CACNA1C: variants seen among roughly 807,000 people sequenced by gnomAD.
CACNA1C encodes the protein calcium voltage-gated channel subunit alpha1 C, also known as voltage-dependent L-type calcium channel subunit alpha-1C.
A neutral mutation model predicts 229.0 loss-of-function variants in CACNA1C; 30 were observed. That is an observed-to-expected ratio of 0.13 (90% CI 0.10 to 0.18). CACNA1C has a LOEUF of 0.18. Among genes scored for constraint, CACNA1C ranks in the 10% least tolerant of loss-of-function variants. The probability of loss-of-function intolerance (pLI) is 1.00; values close to 1 mark genes in which losing one functional copy is unlikely to be tolerated. For synonymous variants in CACNA1C, 1,114 were observed against 1,132.5 expected (o/e 0.98, Z 0.33); for missense variants, 1,658 against 2,845.0 (o/e 0.58, Z 9.49).
At chr12:2,361,151 CAGA>C (rs1391710791) in intron 3 of CACNA1C, among the ~76,000 whole-genome samples, 1 of 151,402 alleles carries the variant, frequency 6.6e-6, no homozygotes, top group East Asian at 1.9e-4. Flanking sequence ...TGCTGAATTC[CAGA>C]TTGCGGTGGT....
Position 2,559,400 on chromosome 12 carries a change from G to A in CACNA1C, c.1508+2423G>A, listed in dbSNP as rs557872845. Among the ~76,000 whole-genome samples, 4 of 152,338 alleles carry A rather than the reference G, an allele frequency of 2.6e-5. No individual in the cohort carries two copies. In the South Asian group the frequency reaches 6.2e-4, roughly 24 times the overall value. ...TTATTTTCATCCAGTGATCTATGGT[G>A]CAAACTGTGCTTTTCAACAAGAGGG... On this transcript the variant is annotated intron_variant, in intron 11 of 46. Coordinates refer to ENST00000399655, the MANE Select transcript of CACNA1C (RefSeq NM_000719.7).
At chr12:2,095,281 T>C (rs956416116) in intron 1 of CACNA1C, among the ~76,000 whole-genome samples, 9 of 152,174 alleles carry the variant, frequency 5.9e-5, no homozygotes, top group African/African-American at 2.2e-4. Flanking sequence ...CCAATTTGTC[T>C]TAAAGGTTAT....
Position 2,549,971 on chromosome 12 carries a change from C to A in CACNA1C, c.1419C>A (p.Ser473=). Residue 473 remains serine (S), a synonymous_variant, in exon 10 of 47, where the codon TCC becomes TCA. Coordinates refer to ENST00000399655, the MANE Select transcript of CACNA1C (RefSeq NM_000719.7). Reference sequence around the variant, plus strand: ...GCATGCCCACCAGTGAGACCGAGTCCGTCAACACCGAAAACGTGGCTGGAG... The same window carrying A: ...GCATGCCCACCAGTGAGACCGAGTCAGTCAACACCGAAAACGTGGCTGGAG... ...NMSMPTSETE[S]VNTENVAGGD... 6.2e-7 allele frequency: 1 copy of A among 1,607,058 alleles called. No homozygotes were observed. The highest frequency in any genetic ancestry group is 8.5e-7 in the Non-Finnish European group (1 of 1,176,822).
chr12:2,653,296 G>A lies in CACNA1C; in HGVS notation c.4075-539G>A, dbSNP rs139272501. 6.6e-5 allele frequency among the ~76,000 whole-genome samples: 10 copies of A among 152,316 alleles called. No individual in the cohort carries two copies. In the East Asian group the frequency reaches 1.9e-3, roughly 29 times the overall value. ...AGACTGAAGTTCAGAGAAGTTAAGT[G>A]CCCCAACCCTCACAGATAGAAAGTG... On this transcript the variant is annotated intron_variant, in intron 32 of 46. Transcript: ENST00000399655. This position sits in a 1 kb window ranked among gnomAD's most constrained non-coding sequence, Gnocchi z 4.7.
chr12:2,307,595 T>C (rs1007743092), intron 3 of CACNA1C, among the ~76,000 whole-genome samples: 1 of 152,174 alleles, frequency 6.6e-6, no homozygotes, highest in African/African-American at 2.4e-5. Flanking sequence ...TTGTAAAAAT[T>C]ACAGAATCAT....
At chr12:2,596,590 C>T (rs1239885299) in intron 20 of CACNA1C, among the ~76,000 whole-genome samples, 4 of 152,328 alleles carry the variant, frequency 2.6e-5, no homozygotes, top group South Asian at 2.1e-4. Flanking sequence ...AACCACTCTG[C>T]GCTCCTGGGG....
intron 3 of CACNA1C, among the ~76,000 whole-genome samples, chr12:2,350,843 T>C (rs1210181250): frequency 1.3e-5 from 2 of 152,216 alleles, no homozygotes. Context: ...GGTCACCCTG[T>C]TTATTCTTCC....
At chr12:2,468,055 C>T (rs977404820) in intron 5 of CACNA1C, among the ~76,000 whole-genome samples, 2 of 152,230 alleles carry the variant, frequency 1.3e-5, no homozygotes, top group African/African-American at 4.8e-5. Flanking sequence ...AGGGAAGAGG[C>T]CCGCCATGCG....
intron 5 of CACNA1C, among the ~76,000 whole-genome samples, chr12:2,484,037 A>G (rs1013873286): frequency 6.6e-6 from 1 of 152,240 alleles, no homozygotes; most frequent in South Asian, 2.1e-4. Context: ...CTTAGCAACA[A>G]AATGGAAAAG....
chr12:2,279,781 T>C (rs1236569759), intron 3 of CACNA1C, among the ~76,000 whole-genome samples: 1 of 152,250 alleles, frequency 6.6e-6, no homozygotes, highest in Non-Finnish European at 1.5e-5. Flanking sequence ...ACTATTTACA[T>C]AGCATTTATA....
At chr12:2,399,386 G>A (rs556702737) in intron 3 of CACNA1C, among the ~76,000 whole-genome samples, 7 of 152,300 alleles carry the variant, frequency 4.6e-5, no homozygotes, top group Admixed American at 3.9e-4. Context: ...TCACACAGAT[G>A]TGAAGGATGG....
rs575593907 is a variant in CACNA1C, at chr12:2,108,690, A to G, written c.50-6534A>G. 2.6e-5 allele frequency among the ~76,000 whole-genome samples: 4 copies of G among 152,318 alleles called. No individual in the cohort carries two copies. The highest frequency in any genetic ancestry group is 2.0e-4 in the Admixed American group (3 of 15,298). On this transcript the variant is annotated intron_variant, in intron 1 of 46. Coordinates refer to ENST00000399655, the MANE Select transcript of CACNA1C (RefSeq NM_000719.7). This position sits in a 1 kb window ranked among gnomAD's most constrained non-coding sequence, Gnocchi z 5.3. ...CTCAGCACACACCATCCTTCCAGAGAGGAGTGCCACTGGGGTTGAGATGAC... is the reference window on the plus strand; with the variant it reads ...CTCAGCACACACCATCCTTCCAGAGGGGAGTGCCACTGGGGTTGAGATGAC...
At chr12:2,212,754 ACAG>A (rs1393204727) in intron 3 of CACNA1C, among the ~76,000 whole-genome samples, 1 of 152,086 alleles carries the variant, frequency 6.6e-6, no homozygotes, top group African/African-American at 2.4e-5. Flanking sequence ...GTCTGGTGTG[ACAG>A]CAGGTGCTGC....
At chr12:2,179,624 G>A (rs528481977) in intron 3 of CACNA1C, among the ~76,000 whole-genome samples, 5 of 152,224 alleles carry the variant, frequency 3.3e-5, no homozygotes, top group South Asian at 2.1e-4. Flanking sequence ...CTCCAGACCT[G>A]AGTCTCAAAG....
At chr12:2,538,941 C>G (rs978934867) in intron 9 of CACNA1C, among the ~76,000 whole-genome samples, 2 of 152,172 alleles carry the variant, frequency 1.3e-5, no homozygotes, top group African/African-American at 2.4e-5. Flanking sequence ...TGCTACAGGC[C>G]CCTGCACCAC....
At chr12:2,367,504 CTT>C (rs939311184) in intron 3 of CACNA1C, among the ~76,000 whole-genome samples, 4 of 152,084 alleles carry the variant, frequency 2.6e-5, no homozygotes, top group African/African-American at 9.7e-5. Context: ...GTTAAACACT[CTT>C]ATTATTAAAA....
chr12:2,294,799 G>A (rs2093873033), intron 3 of CACNA1C, among the ~76,000 whole-genome samples: 1 of 152,202 alleles, frequency 6.6e-6, no homozygotes. Flanking sequence ...CAGACAAGTA[G>A]TCAAGGCAGC....
intron 3 of CACNA1C, among the ~76,000 whole-genome samples, chr12:2,235,821 AT>A (rs2154368017): frequency 6.6e-6 from 1 of 152,138 alleles, no homozygotes; most frequent in Admixed American, 6.5e-5. Flanking sequence ...CCCAGGTTCC[AT>A]TTTTCACTTC....
intron 3 of CACNA1C, among the ~76,000 whole-genome samples, chr12:2,142,977 T>G (rs948693684): frequency 1.4e-5 from 2 of 145,630 alleles, no homozygotes; most frequent in African/African-American, 5.4e-5. Flanking sequence ...ATCTTTAAAT[T>G]TTTTTTTTTG....
Sources: gnomAD v4.1 joint callset for allele counts (sites outside exome capture counted in the v4.1 genomes callset) on GRCh38, gnomAD v4.1.1 for gene constraint, Gnocchi (gnomAD v3.1) non-coding constraint, MANE v1.5 for transcripts, NCBI Gene and HGNC (gene_info 2026-07-23, HGNC 2026-07-21) for gene names.